The following F13A1 variants were observed in gnomAD, a reference collection of about 807,000 sequenced individuals.
The protein encoded by F13A1 is coagulation factor XIII A chain.
Under a neutral mutation model 80.1 loss-of-function variants are expected in F13A1, and 47 were observed. That is an observed-to-expected ratio of 0.59 (90% confidence interval 0.46 to 0.75). The LOEUF (loss-of-function observed/expected upper bound fraction) is 0.75, where lower values mean the gene tolerates loss of function less well. F13A1 is among the 30% of genes least tolerant of loss of function. F13A1 has a pLI of 0.00. For missense variants in F13A1, 817 were observed against 930.4 expected, an observed-to-expected ratio of 0.88 and a Z score of 1.59; for synonymous variants, 349 against 344.9, an observed-to-expected ratio of 1.01 and a Z score of -0.13.
chr6:6,270,941 A>G (rs1757911478), intron 3 of F13A1, among the ~76,000 whole-genome samples: 1 of 152,148 alleles, frequency 6.6e-6, no homozygotes, highest in Admixed American at 6.5e-5. Flanking sequence ...CTCTGGGCCA[A>G]CTCATTTTTT....
chr6:6,315,106 TGCTACAAATGGTC>T (rs1454899144), intron 2 of F13A1, among the ~76,000 whole-genome samples: 1 of 152,250 alleles, frequency 6.6e-6, no homozygotes. Context: ...TTCCAATTAC[TGCTACAAATGGTC>T]GCCTATTGTT....
chr6:6,200,303 A>G (rs1489380990), intron 8 of F13A1, among the ~76,000 whole-genome samples: 1 of 152,092 alleles, frequency 6.6e-6, no homozygotes, highest in Non-Finnish European at 1.5e-5. Context: ...ACAGTGGCTC[A>G]CACCAGTAAT....
chr6:6,294,888 TC>T, intron 3 of F13A1, among the ~76,000 whole-genome samples: 1 of 88,406 alleles, frequency 1.1e-5, no homozygotes. Flanking sequence ...ATGCTATCCC[TC>T]CCCCCTCCCC....
At position 6,243,241 on chromosome 6, in the gene F13A1, CCACCACCATCACCATCATCATCACTAT is replaced by C. The variant is rs1405142080; in HGVS notation, c.798+5044_798+5070del. Reference sequence around the variant, plus strand: ...ACCACCATCACCGTCACCATCTCCACCACCACCATCACCATCATCATCACTATCACCACCATAATCACCCTACCATCA... The same window carrying C: ...ACCACCATCACCGTCACCATCTCCACCACCACCATAATCACCCTACCATCA... On this transcript the variant is annotated intron_variant, in intron 6 of 14. Coordinates refer to ENST00000264870, the MANE Select transcript of F13A1 (RefSeq NM_000129.4). The surrounding 1 kb of genome is among the most constrained non-coding windows in gnomAD (Gnocchi z 4.2). Among the ~76,000 whole-genome samples the C allele has an allele frequency of 9.2e-5, 14 of 151,844 alleles. No individual in the cohort carries two copies. Among genetic ancestry groups the C allele is most frequent in the African/African-American group, 3.4e-4 (14 of 41,414 alleles).
At chr6:6,158,582 T>C (rs2151070283) in intron 13 of F13A1, among the ~76,000 whole-genome samples, 1 of 152,230 alleles carries the variant, frequency 6.6e-6, no homozygotes, top group South Asian at 2.1e-4. Flanking sequence ...GAAGCCCACC[T>C]CCTGGTTCCC....
intron 6 of F13A1, among the ~76,000 whole-genome samples, chr6:6,236,469 AATATGAGCAG>A (rs1425128382): frequency 2.0e-5 from 3 of 152,152 alleles, no homozygotes; most frequent in South Asian, 2.1e-4. Context: ...TGGTCATTGG[AATATGAGCAG>A]ATTCTAACTT....
intron 6 of F13A1, among the ~76,000 whole-genome samples, chr6:6,232,530 C>T (rs1053716231): frequency 1.3e-5 from 2 of 152,092 alleles, no homozygotes; most frequent in African/African-American, 2.4e-5. Context: ...CCACTGACAG[C>T]ACTAGACAGG....
intron 3 of F13A1, among the ~76,000 whole-genome samples, chr6:6,294,127 T>C (rs1324899868): frequency 1.3e-5 from 2 of 152,150 alleles, no homozygotes; most frequent in African/African-American, 4.8e-5. Flanking sequence ...TTTTTAAGTA[T>C]ATAGTGAGTG....
chr6:6,281,328 A>T (rs1758058259), intron 3 of F13A1, among the ~76,000 whole-genome samples: 1 of 152,132 alleles, frequency 6.6e-6, no homozygotes, highest in Non-Finnish European at 1.5e-5. Flanking sequence ...CTTCTTCCTC[A>T]GGGGATTTTA....
In F13A1 at chr6:6,308,460, G is replaced by GAAA. The variant is rs1561686880; in HGVS notation, c.131-2922_131-2921insTTT. Among the ~76,000 whole-genome samples, 216 of 95,774 alleles carry GAAA rather than the reference G, an allele frequency of 2.3e-3. 2 individuals carry two copies. The highest frequency in any genetic ancestry group is 8.8e-3 in the African/African-American group (203 of 23,036). 62.8% of individuals were successfully genotyped at this position (95,774 alleles called of 152,430 possible). ...ACATTACTCTAGTTGTGGTTTTTCT[G>GAAA]TAAAAAAAAAAAAAAGAGACCATTA... On this transcript the variant is annotated intron_variant, in intron 2 of 14. Transcript: ENST00000264870.
At chr6:6,281,776 G>C (rs979495218) in intron 3 of F13A1, among the ~76,000 whole-genome samples, 9 of 151,878 alleles carry the variant, frequency 5.9e-5, no homozygotes, top group Non-Finnish European at 1.3e-4. Flanking sequence ...GGCAGATCAC[G>C]AGGTCAGGAG....
At chr6:6,196,147 G>A (rs1390602640) in intron 9 of F13A1, among the ~76,000 whole-genome samples, 3 of 152,212 alleles carry the variant, frequency 2.0e-5, no homozygotes, top group Non-Finnish European at 4.4e-5. Flanking sequence ...ACCCAGATGT[G>A]TTGATGCCAA....
intron 8 of F13A1, among the ~76,000 whole-genome samples, chr6:6,220,764 A>G (rs1757181734): frequency 6.6e-6 from 1 of 152,148 alleles, no homozygotes; most frequent in Non-Finnish European, 1.5e-5. Context: ...TTTCTGTTCA[A>G]TTTACAGAGA....
intron 6 of F13A1, among the ~76,000 whole-genome samples, chr6:6,245,984 G>A (rs933571508): frequency 2.0e-5 from 3 of 152,222 alleles, no homozygotes; most frequent in Non-Finnish European, 4.4e-5. Context: ...TTTTACCTGT[G>A]AGGCCTGGGC....
At chr6:6,301,798 C>T (rs1192190869) in intron 3 of F13A1, among the ~76,000 whole-genome samples, 1 of 152,158 alleles carries the variant, frequency 6.6e-6, no homozygotes, top group East Asian at 1.9e-4. Flanking sequence ...ACCAATTACA[C>T]CAAGGCTGTA....
At chr6:6,174,480 G>T in intron 12 of F13A1, 100 bp downstream of exon 12, 1 of 1,301,706 alleles carries the variant, frequency 7.7e-7, no homozygotes, top group Non-Finnish European at 1.1e-6. Context: ...ATCTTGGAGG[G>T]AACTTTAACT....
intron 8 of F13A1, among the ~76,000 whole-genome samples, chr6:6,219,987 C>T (rs1041170176): frequency 2.6e-5 from 4 of 152,178 alleles, no homozygotes; most frequent in African/African-American, 9.7e-5. Flanking sequence ...ATTGTTCTCT[C>T]CACTTTAGAG....
intron 3 of F13A1, among the ~76,000 whole-genome samples, chr6:6,302,581 G>T (rs1284475448): frequency 6.6e-6 from 1 of 152,194 alleles, no homozygotes; most frequent in African/African-American, 2.4e-5. Context: ...CACTTACCAT[G>T]AATGGAACGT....
intron 6 of F13A1, among the ~76,000 whole-genome samples, chr6:6,227,518 C>T (rs978202033): frequency 6.6e-6 from 1 of 152,210 alleles, no homozygotes. Flanking sequence ...AGTACTTCTC[C>T]TTGCAGTTGG....
Sources: gnomAD v4.1 joint callset for allele counts (sites outside exome capture counted in the v4.1 genomes callset) on GRCh38, gnomAD v4.1.1 for gene constraint, Gnocchi (gnomAD v3.1) non-coding constraint, MANE v1.5 for transcripts, NCBI Gene and HGNC (gene_info 2026-07-23, HGNC 2026-07-21) for gene names.